Variants in LIPA observed in about 807,000 individuals in gnomAD.
LIPA encodes lysosomal acid lipase/cholesteryl ester hydrolase.
LIPA carries 26 observed loss-of-function variants against 40.6 expected under a neutral mutation model. That is an observed-to-expected ratio of 0.64 (90% CI 0.47 to 0.89). The LOEUF (loss-of-function observed/expected upper bound fraction) is 0.89, where lower values mean the gene tolerates loss of function less well. Among genes scored for constraint, LIPA ranks in the 40% least tolerant of loss-of-function variants. LIPA has a pLI of 0.00. For missense variants in LIPA, 455 were observed against 479.6 expected (o/e 0.95, Z 0.48); for synonymous variants, 188 against 168.4 (o/e 1.12, Z -0.90).
At chr10:89,255,572 G>C (rs1169028735), upstream of LIPA, among the ~76,000 whole-genome samples, 2 of 152,194 alleles carry the variant, frequency 1.3e-5, no homozygotes, top group Non-Finnish European at 2.9e-5. Context: ...GGACCAGGAT[G>C]GTGATAGCAG....
In LIPA at chr10:89,213,581, A is replaced by G. The variant is rs1842578817; in HGVS notation, c.*1247T>C. 1 of 152,460 alleles carries G rather than the reference A, an allele frequency of 6.6e-6. No individual in the cohort carries two copies. Among genetic ancestry groups the G allele is most frequent in the Admixed American group, 6.5e-5 (1 of 15,290 alleles). 9.4% of individuals were successfully genotyped at this position (152,460 alleles called of 1,614,324 possible). On this transcript the variant is annotated 3_prime_UTR_variant, in exon 10 of 10. Coordinates refer to ENST00000336233, the MANE Select transcript of LIPA (RefSeq NM_000235.4). ...AACATACACACAATTCTTTGGGCCT[A>G]TAAGTCTCACTCAATTTTATTGAAA...
At position 89,372,013 on chromosome 10, in the gene LIPA, T is replaced by C. The variant is rs141388333; in HGVS notation, c.61+40778A>G. Among the ~76,000 whole-genome samples the C allele has an allele frequency of 3.9e-4, 60 of 152,240 alleles. No individual in the cohort carries two copies. In the East Asian group the frequency reaches 0.011, roughly 28 times the overall value. ...GTGGGAGCTAAACACTGAGTACATGTGGACACAAAGAAGGGAACAACACAA... is the reference window on the plus strand; with the variant it reads ...GTGGGAGCTAAACACTGAGTACATGCGGACACAAAGAAGGGAACAACACAA... On this transcript the variant is annotated intron_variant, in intron 2 of 8. Coordinates refer to the LIPA transcript ENST00000371837.
chr10:89,279,176 G>A (rs1369798436), intron 1 of LIPA, among the ~76,000 whole-genome samples: 2 of 152,182 alleles, frequency 1.3e-5, no homozygotes, highest in Non-Finnish European at 2.9e-5. Flanking sequence ...GTTTCTATGT[G>A]ATGATTTGTG....
chr10:89,282,575 G>A (rs866999566), intron 1 of LIPA, among the ~76,000 whole-genome samples: 1 of 152,162 alleles, frequency 6.6e-6, no homozygotes, highest in African/African-American at 2.4e-5. Context: ...AGGAGGCAGA[G>A]GTTGCGGTGA....
intron 8 of LIPA, among the ~76,000 whole-genome samples, chr10:89,221,194 C>G (rs907437499): frequency 2.6e-4 from 40 of 151,110 alleles, no homozygotes; most frequent in African/African-American, 9.5e-4. Flanking sequence ...TTTAAATATT[C>G]TATGTCACTT....
chr10:89,278,185 A>G (rs567885037), intron 1 of LIPA: 2 of 152,238 alleles, frequency 1.3e-5, no homozygotes, highest in African/African-American at 2.4e-5. Flanking sequence ...TCTTTCTCTC[A>G]GGAAGTAATA....
rs886973664 is a variant in LIPA at position 89,392,620 on chromosome 10, C to G, written c.61+20171G>C. The G allele has an allele frequency of 2.9e-6, 4 of 1,388,590 alleles. No homozygotes were observed. The African/African-American group carries it at 4.3e-5, about 15-fold the overall frequency. 86.0% of individuals were successfully genotyped at this position (1,388,590 alleles called of 1,614,324 possible). A position where few individuals can be genotyped will look rare whatever the true frequency, so the allele number is the denominator to read the frequency against. On this transcript the variant is annotated intron_variant, in intron 2 of 8. Transcript: ENST00000371837. ...ATATAACACTGTCTTGGGGTTTAAA[C>G]GTAACTGAAAATCCACAAGACAGAA...
intron 3 of LIPA, among the ~76,000 whole-genome samples, chr10:89,229,025 A>C (rs937218282): frequency 6.6e-6 from 1 of 152,176 alleles, no homozygotes; most frequent in African/African-American, 2.4e-5. Context: ...AAGGAGTTGA[A>C]AACTTACATC....
chr10:89,381,112 G>A (rs12781453), intron 2 of LIPA, among the ~76,000 whole-genome samples: 38,216 of 152,034 alleles, frequency 0.25, 5,028 homozygotes, highest in Middle Eastern at 0.29. Flanking sequence ...AAATGTGCTG[G>A]GTGGGCTAGC....
intron 1 of LIPA, chr10:89,339,961 A>G: frequency 6.2e-7 from 1 of 1,614,210 alleles, no homozygotes; most frequent in Non-Finnish European, 8.5e-7. Context: ...GCAAGCAGCC[A>G]AATGTTATGA....
At chr10:89,263,289 A>G (rs771851880) in intron 1 of LIPA, among the ~76,000 whole-genome samples, 6 of 152,238 alleles carry the variant, frequency 3.9e-5, no homozygotes, top group Non-Finnish European at 8.8e-5. Flanking sequence ...CTGACTTTAG[A>G]AAGATTATAA....
In LIPA at chr10:89,328,163, A is replaced by C. The variant is rs1843617204; in HGVS notation, c.-2+14448T>G. The stretch of plus-strand genomic sequence containing the variant: ...TTCTTACTGTGCAGGCACATTCCTG[A>C]ATTGTCCTGATGTTTATAGATTCAA... On this transcript the variant is annotated intron_variant, in intron 1 of 5. Transcript: ENST00000282673. 3.2e-6 allele frequency: 4 copies of C among 1,265,096 alleles called. No homozygotes were observed. In the East Asian group the frequency reaches 9.4e-5, roughly 30 times the overall value. The allele number at this position is 1,265,096 out of a possible 1,614,324, so 78.4% of individuals were successfully genotyped here. A position where few individuals can be genotyped will look rare whatever the true frequency, so the allele number is the denominator to read the frequency against.
At chr10:89,316,503 G>A (rs1300983862) in intron 1 of LIPA, among the ~76,000 whole-genome samples, 1 of 152,160 alleles carries the variant, frequency 6.6e-6, no homozygotes, top group Admixed American at 6.5e-5. Flanking sequence ...CTGCAAGGCA[G>A]CAGTGAGGCT....
chr10:89,333,252 T>C (rs1564788797), intron 1 of LIPA, among the ~76,000 whole-genome samples: 2 of 152,138 alleles, frequency 1.3e-5, no homozygotes, highest in Non-Finnish European at 2.9e-5. Flanking sequence ...GTTCTGCGAG[T>C]GGCCTGAATC....
At chr10:89,268,566 A>G (rs1340724848) in intron 1 of LIPA, among the ~76,000 whole-genome samples, 2 of 152,254 alleles carry the variant, frequency 1.3e-5, no homozygotes, top group African/African-American at 4.8e-5. Context: ...CAAGCTATAT[A>G]TATTATTTAG....
chr10:89,299,547 G>T (rs4934469), intron 1 of LIPA, among the ~76,000 whole-genome samples: 2 of 151,932 alleles, frequency 1.3e-5, no homozygotes, highest in Non-Finnish European at 1.5e-5. Flanking sequence ...TCTCCATGGC[G>T]CATTATAGTC....
At chr10:89,371,559 T>C (rs1253070534) in intron 2 of LIPA, among the ~76,000 whole-genome samples, 1 of 152,190 alleles carries the variant, frequency 6.6e-6, no homozygotes, top group Non-Finnish European at 1.5e-5. Context: ...AAACCACTAG[T>C]GATGGAGGGG....
At chr10:89,404,870 G>A (rs959909437) in intron 2 of LIPA, 6 of 152,092 alleles carry the variant, frequency 3.9e-5, no homozygotes, top group African/African-American at 1.5e-4. Context: ...GCTGAGGTGA[G>A]TGGACTGCTG....
chr10:89,335,200 T>G (rs1843716344), intron 1 of LIPA: 1 of 152,208 alleles, frequency 6.6e-6, no homozygotes, highest in Admixed American at 6.5e-5. Flanking sequence ...CAGTGGGTTT[T>G]ATAATCATAA....
Sources: allele counts gnomAD v4.1 joint callset (sites outside exome capture counted in the v4.1 genomes callset), GRCh38; gene constraint gnomAD v4.1.1; transcripts MANE v1.5; gene names NCBI Gene and HGNC (gene_info 2026-07-23, HGNC 2026-07-21).